The following TMEM37 variants were observed in gnomAD, a reference collection of about 807,000 sequenced individuals.
The protein encoded by TMEM37 is voltage-dependent calcium channel gamma-like subunit.
Under a neutral mutation model 11.0 loss-of-function variants are expected in TMEM37, and 12 were observed. The ratio of observed to expected loss-of-function variants is 1.09; its 90% CI spans 0.70 to 1.76. The LOEUF (loss-of-function observed/expected upper bound fraction) is 1.76, where lower values mean the gene tolerates loss of function less well. Ranked by LOEUF, TMEM37 falls within the 40% of genes most tolerant of loss-of-function variation. The probability of loss-of-function intolerance (pLI) is 0.00; values close to 1 mark genes in which losing one functional copy is unlikely to be tolerated. For synonymous variants in TMEM37, 127 were observed against 110.5 expected, an observed-to-expected ratio of 1.15 and a Z score of -0.94; for missense variants, 203 against 251.2, an observed-to-expected ratio of 0.81 and a Z score of 1.30.
intron 1 of TMEM37, among the ~76,000 whole-genome samples, 177 bp from the exon 2 acceptor site, chr2:119,436,712 A>T (rs543796934): frequency 6.6e-6 from 1 of 152,244 alleles, no homozygotes; most frequent in Non-Finnish European, 1.5e-5. Context: ...CAGGTCTGGA[A>T]GGGAGGAAGG....
At chr2:119,430,404 G>A (rs1400424390), upstream of TMEM37, 2 of 476,380 alleles carry the variant, frequency 4.2e-6, no homozygotes, top group South Asian at 1.5e-5. Flanking sequence ...GGCCTGCTGG[G>A]TAAGTGGAGT....
Position 119,431,875 on chromosome 2 carries a change from G to A in TMEM37, c.-29G>A, listed in dbSNP as rs1007582654. On this transcript the variant is annotated 5_prime_UTR_variant, in exon 1 of 2. Transcript: ENST00000306406. ...CCACAGCGGAGCAGCTGGAGCGATCGAGGCTGCAGCGCGGCCGCCGGGCGC... is the reference window on the plus strand; with the variant it reads ...CCACAGCGGAGCAGCTGGAGCGATCAAGGCTGCAGCGCGGCCGCCGGGCGC... 3.3e-6 allele frequency: 4 copies of A among 1,227,224 alleles called. No homozygotes were observed. The highest frequency in any genetic ancestry group is 1.6e-5 in the African/African-American group (1 of 63,884). 76.0% of individuals were successfully genotyped at this position (1,227,224 alleles called of 1,614,324 possible). A position where few individuals can be genotyped will look rare whatever the true frequency, so the allele number is the denominator to read the frequency against.
chr2:119,436,839 G>C, intron 1 of TMEM37, 50 bp from the exon 2 acceptor site: 1 of 1,468,880 alleles, frequency 6.8e-7, no homozygotes, highest in East Asian at 2.3e-5. Flanking sequence ...AGGTTCCTGG[G>C]GGCGTGGCAG....
At chr2:119,433,234 C>CG (rs1411103825) in intron 1 of TMEM37, among the ~76,000 whole-genome samples, 5 of 152,220 alleles carry the variant, frequency 3.3e-5, no homozygotes, top group Admixed American at 6.5e-5. Context: ...AGGTGAAGGG[C>CG]GGGTGCTCCG....
At chr2:119,431,824 G>T, upstream of TMEM37, 4 of 1,187,154 alleles carry the variant, frequency 3.4e-6, no homozygotes, top group Non-Finnish European at 4.2e-6. Context: ...CGCCCCTGCG[G>T]AGAAGTCCCG....
intron 1 of TMEM37, among the ~76,000 whole-genome samples, chr2:119,435,571 G>A (rs1682481384): frequency 6.6e-6 from 1 of 152,220 alleles, no homozygotes; most frequent in Non-Finnish European, 1.5e-5. Flanking sequence ...GGTTGCCAAT[G>A]ACCTTTGACT....
chr2:119,433,335 A>G (rs7591084), intron 1 of TMEM37, among the ~76,000 whole-genome samples: 23,064 of 152,212 alleles, frequency 0.15, 1,882 homozygotes, highest in East Asian at 0.31. Flanking sequence ...TCATGCAGGC[A>G]GCGGTGGGCC....
rs139169858 is a variant in TMEM37 at position 119,436,529 on chromosome 2, G to T, written c.22-360G>T. On this transcript the variant is annotated intron_variant, in intron 1 of 1. Coordinates refer to ENST00000306406, the MANE Select transcript of TMEM37 (RefSeq NM_183240.3). ...TTCTTGTTTTATGTACAAAGAAACC[G>T]AGGCAGGCTGCATGCTCAAGGTCAT... Among the ~76,000 whole-genome samples the T allele has an allele frequency of 9.1e-4, 138 of 152,218 alleles. 3 individuals are homozygous for T. The East Asian group carries it at 0.011, about 12-fold the overall frequency.
chr2:119,436,765 G>T, intron 1 of TMEM37, 124 bp from the exon 2 acceptor site: 1 of 808,640 alleles, frequency 1.2e-6, no homozygotes, highest in Non-Finnish European at 2.0e-6. Flanking sequence ...GGGCTTCACA[G>T]GAGACCAAGC....
At chr2:119,434,457 ATTT>A (rs112573313) in intron 1 of TMEM37, among the ~76,000 whole-genome samples, 1 of 144,718 alleles carries the variant, frequency 6.9e-6, no homozygotes, top group Non-Finnish European at 1.5e-5. Flanking sequence ...TTACCGGTAG[ATTT>A]TTTTTTTTTT....
upstream of TMEM37, chr2:119,430,039 G>T: frequency 6.9e-7 from 1 of 1,451,564 alleles, no homozygotes; most frequent in East Asian, 2.5e-5. Context: ...CATTCTTAGG[G>T]CTCAGTGAAA....
upstream of TMEM37, chr2:119,430,212 C>T (rs569174611): frequency 5.0e-5 from 32 of 645,726 alleles, no homozygotes; most frequent in Admixed American, 5.5e-4. Context: ...GCTGGCTGAG[C>T]CTGGGCAGCT....
chr2:119,434,000 G>A (rs1029522402), intron 1 of TMEM37, among the ~76,000 whole-genome samples: 2 of 152,128 alleles, frequency 1.3e-5, no homozygotes, highest in African/African-American at 4.8e-5. Flanking sequence ...TTTCAGTGGT[G>A]GCCAGAGAGT....
At chr2:119,434,527 C>T (rs534884945) in intron 1 of TMEM37, among the ~76,000 whole-genome samples, 27 of 151,642 alleles carry the variant, frequency 1.8e-4, no homozygotes, top group Middle Eastern at 6.8e-3. Flanking sequence ...AGGTACAGGG[C>T]TCAGTTGAAG....
At chr2:119,433,738 G>T (rs955896854) in intron 1 of TMEM37, among the ~76,000 whole-genome samples, 1 of 152,152 alleles carries the variant, frequency 6.6e-6, no homozygotes, top group African/African-American at 2.4e-5. Context: ...AAGGTACCCT[G>T]CAGGGGTCCT....
intron 1 of TMEM37, among the ~76,000 whole-genome samples, chr2:119,432,988 G>A (rs1682433497): frequency 6.6e-6 from 1 of 152,242 alleles, no homozygotes; most frequent in Non-Finnish European, 1.5e-5. Flanking sequence ...ATGGGGCGCA[G>A]GGAATTCCTC....
upstream of TMEM37, chr2:119,431,845 G>A: frequency 2.4e-6 from 3 of 1,229,134 alleles, no homozygotes; most frequent in Non-Finnish European, 3.0e-6. Flanking sequence ...GGCTGGCGCC[G>A]GCGGCCACAG....
intron 1 of TMEM37, among the ~76,000 whole-genome samples, chr2:119,433,160 A>T (rs934708473): frequency 6.6e-6 from 1 of 152,254 alleles, no homozygotes; most frequent in Non-Finnish European, 1.5e-5. Context: ...AAAAGTTGCC[A>T]GACGGGGAAG....
At chr2:119,435,770 C>T (rs1009028920) in intron 1 of TMEM37, among the ~76,000 whole-genome samples, 1 of 152,156 alleles carries the variant, frequency 6.6e-6, no homozygotes, top group Non-Finnish European at 1.5e-5. Flanking sequence ...GAACAGGTGC[C>T]TGACACAGAA....
Sources: gnomAD v4.1 joint callset for allele counts (sites outside exome capture counted in the v4.1 genomes callset) on GRCh38, gnomAD v4.1.1 for gene constraint, MANE v1.5 for transcripts, NCBI Gene and HGNC (gene_info 2026-07-23, HGNC 2026-07-21) for gene names.